The following GTF2A1L variants were observed in gnomAD, a reference collection of about 807,000 sequenced individuals.
GTF2A1L encodes TFIIA-alpha and beta-like factor.
A neutral mutation model predicts 49.7 loss-of-function variants in GTF2A1L; 48 were observed. That is an observed-to-expected ratio of 0.97 (90% CI 0.77 to 1.23). GTF2A1L has a LOEUF of 1.23. Ranked by LOEUF, GTF2A1L falls within the 50% of genes most tolerant of loss-of-function variation. GTF2A1L has a pLI of 0.00. For missense variants in GTF2A1L, 736 were observed against 564.8 expected (o/e 1.30, Z -3.07); for synonymous variants, 246 against 193.5 (o/e 1.27, Z -2.25).
At chr2:48,662,732 G>C (rs1478244130) in intron 6 of GTF2A1L, among the ~76,000 whole-genome samples, 5 of 149,770 alleles carry the variant, frequency 3.3e-5, no homozygotes, top group Admixed American at 2.0e-4. Context: ...TGAGGAATCT[G>C]CCAAAACACT....
At chr2:48,669,629 C>T in intron 6 of GTF2A1L, 93 bp from the exon 7 acceptor site, 1 of 1,452,954 alleles carries the variant, frequency 6.9e-7, no homozygotes, top group South Asian at 1.5e-5. Context: ...TTGAACTGAC[C>T]ATTTGTGGAA....
chr2:48,628,627 A>G (rs114895920), intron 3 of GTF2A1L, among the ~76,000 whole-genome samples: 7,693 of 143,632 alleles, frequency 0.054, 1,105 homozygotes, highest in African/African-American at 0.18. Flanking sequence ...ACTTTGTCAG[A>G]TGAGTAGTTC....
intron 6 of GTF2A1L, among the ~76,000 whole-genome samples, chr2:48,651,670 T>C (rs1200247792): frequency 2.0e-5 from 3 of 152,150 alleles, no homozygotes; most frequent in Non-Finnish European, 4.4e-5. Context: ...AACTCAAATA[T>C]ATTAGAGCCA....
Position 48,646,715 on chromosome 2 carries a change from A to G in GTF2A1L, c.651A>G (p.Ile217Met), listed in dbSNP as rs1415766803. 1 of 1,614,068 alleles carries G rather than the reference A, an allele frequency of 6.2e-7. No homozygotes were observed. Among genetic ancestry groups the G allele is most frequent in the East Asian group, 2.2e-5 (1 of 44,904 alleles). Residue 217 changes from isoleucine (I) to methionine (M), a missense_variant, in exon 6 of 9, where the codon ATA becomes ATG. Transcript: ENST00000403751. ...RKHLENATSD[I>M]LVSPGNEHKI... Reference sequence around the variant, plus strand: ...ACTTAGAAAATGCCACCAGTGATATACTTGTATCTCCTGGAAATGAGCATA... The same window carrying G: ...ACTTAGAAAATGCCACCAGTGATATGCTTGTATCTCCTGGAAATGAGCATA...
Position 48,678,129 on chromosome 2 carries a change from A to C in GTF2A1L, c.1330-1206A>C, listed in dbSNP as rs577645800. 2.6e-5 allele frequency among the ~76,000 whole-genome samples: 4 copies of C among 152,050 alleles called. No homozygotes were observed. The East Asian group carries it at 7.7e-4, about 29-fold the overall frequency. ...ATATGATTTGTCAGTAACTGAAGTA[A>C]TATGATTTTTATATTAATAAGTTCC... On this transcript the variant is annotated intron_variant, in intron 8 of 8. Transcript: ENST00000403751.
At chr2:48,676,588 A>G (rs1050678404) in intron 8 of GTF2A1L, among the ~76,000 whole-genome samples, 1 of 151,834 alleles carries the variant, frequency 6.6e-6, no homozygotes, top group African/African-American at 2.4e-5. Flanking sequence ...GTGATCTCTA[A>G]GAGCTCAATA....
intron 6 of GTF2A1L, among the ~76,000 whole-genome samples, chr2:48,655,986 C>G (rs1326619735): frequency 1.3e-5 from 2 of 152,268 alleles, no homozygotes; most frequent in Non-Finnish European, 1.5e-5. Context: ...CAGGGTTCAT[C>G]CATGTTGTAG....
intron 3 of GTF2A1L, among the ~76,000 whole-genome samples, chr2:48,623,219 A>T (rs1676108544): frequency 6.6e-6 from 1 of 152,154 alleles, no homozygotes; most frequent in African/African-American, 2.4e-5. Context: ...ATATCTTCTC[A>T]TGGTATGCTT....
intron 3 of GTF2A1L, among the ~76,000 whole-genome samples, chr2:48,636,944 G>A (rs908692673): frequency 5.3e-5 from 8 of 152,178 alleles, no homozygotes; most frequent in Non-Finnish European, 8.8e-5. Context: ...CATGATGGAA[G>A]GAAGGGAAGG....
intron 6 of GTF2A1L, among the ~76,000 whole-genome samples, chr2:48,647,792 G>A (rs1677608521): frequency 6.6e-6 from 1 of 151,880 alleles, no homozygotes; most frequent in African/African-American, 2.4e-5. Context: ...AATTTTCAAG[G>A]AATTCATAGT....
chr2:48,673,664 T>G (rs1303980616), intron 8 of GTF2A1L, among the ~76,000 whole-genome samples: 1 of 152,088 alleles, frequency 6.6e-6, no homozygotes, highest in Non-Finnish European at 1.5e-5. Flanking sequence ...CACAGGAATA[T>G]TTAGAAATGA....
At chr2:48,623,348 C>G (rs1011616679) in intron 3 of GTF2A1L, among the ~76,000 whole-genome samples, 1 of 152,182 alleles carries the variant, frequency 6.6e-6, no homozygotes, top group African/African-American at 2.4e-5. Flanking sequence ...CATCTTAAAA[C>G]TTGTTTGCTC....
At chr2:48,624,535 A>T (rs1453680761) in intron 3 of GTF2A1L, among the ~76,000 whole-genome samples, 1 of 144,346 alleles carries the variant, frequency 6.9e-6, no homozygotes, top group Non-Finnish European at 1.6e-5. Context: ...GTCATCTCAC[A>T]TAGGTGCTCA....
At chr2:48,632,799 G>T in intron 3 of GTF2A1L, 1 of 193,344 alleles carries the variant, frequency 5.2e-6, no homozygotes, top group South Asian at 9.2e-5. Context: ...TGGGTGATAG[G>T]CAGCAAGCAG....
chr2:48,638,663 C>G (rs1572717030), intron 3 of GTF2A1L, among the ~76,000 whole-genome samples: 1 of 152,088 alleles, frequency 6.6e-6, no homozygotes, highest in African/African-American at 2.4e-5. Flanking sequence ...GAAAACAGCA[C>G]AAGACAAGCA....
chr2:48,660,592 A>C (rs1259417538), intron 6 of GTF2A1L, among the ~76,000 whole-genome samples: 1 of 151,842 alleles, frequency 6.6e-6, no homozygotes, highest in East Asian at 1.9e-4. Context: ...AAAGTTCTTT[A>C]TATTTCTGTA....
chr2:48,638,974 A>G (rs1282734232), intron 3 of GTF2A1L, among the ~76,000 whole-genome samples: 1 of 151,996 alleles, frequency 6.6e-6, no homozygotes, highest in Non-Finnish European at 1.5e-5. Context: ...AGAATAAGAC[A>G]CCTAGCAATA....
chr2:48,635,404 G>A (rs1041488720), intron 3 of GTF2A1L, among the ~76,000 whole-genome samples: 12 of 152,054 alleles, frequency 7.9e-5, no homozygotes, highest in Admixed American at 3.9e-4. Context: ...TGCTGGTCAC[G>A]CAAGCAGGTG....
At chr2:48,622,325 T>C (rs766488881) in intron 3 of GTF2A1L, among the ~76,000 whole-genome samples, 1 of 152,262 alleles carries the variant, frequency 6.6e-6, no homozygotes, top group African/African-American at 2.4e-5. Flanking sequence ...TTTTGCTCTG[T>C]AAGAATTAGT....
Sources: allele counts gnomAD v4.1 joint callset (sites outside exome capture counted in the v4.1 genomes callset), GRCh38; gene constraint gnomAD v4.1.1; transcripts MANE v1.5; gene names NCBI Gene and HGNC (gene_info 2026-07-23, HGNC 2026-07-21).